PCDHGA4: variants seen among roughly 807,000 people sequenced by gnomAD.
The protein encoded by PCDHGA4 is protocadherin gamma-A4.
A neutral mutation model predicts 54.6 loss-of-function variants in PCDHGA4; 38 were observed. The observed-to-expected ratio is 0.70, with a 90% CI of 0.54 to 0.91. PCDHGA4 has a LOEUF of 0.91. Among genes scored for constraint, PCDHGA4 ranks in the 40% least tolerant of loss-of-function variants. The probability of loss-of-function intolerance (pLI) is 0.00; values close to 1 mark genes in which losing one functional copy is unlikely to be tolerated. For synonymous variants in PCDHGA4, 511 were observed against 512.9 expected, an observed-to-expected ratio of 1.00 and a Z score of 0.05; for missense variants, 1,298 against 1,220.9, an observed-to-expected ratio of 1.06 and a Z score of -0.94.
At chr5:141,365,469 G>T (rs1162637484) in intron 1 of PCDHGA4, 1 of 1,614,010 alleles carries the variant, frequency 6.2e-7, no homozygotes, top group South Asian at 1.1e-5. Flanking sequence ...GGAGAAAATG[G>T]TGAGATTGCA....
In PCDHGA4 at chr5:141,491,511, C is replaced by G. The variant is rs777448782; in HGVS notation, c.2515-3296C>G. 6.2e-7 allele frequency: 1 copy of G among 1,614,080 alleles called. No individual in the cohort carries two copies. The highest frequency in any genetic ancestry group is 8.5e-7 in the Non-Finnish European group (1 of 1,180,018). ...TGCAGGTGAGCTCGGACGGCACGCT[C>G]AAGTACATGGAGGTGACGCTGCGGC... On this transcript the variant is annotated intron_variant, in intron 1 of 3. Transcript: ENST00000571252. This position sits in a 1 kb window ranked among gnomAD's most constrained non-coding sequence, Gnocchi z 6.9.
rs765243043 is a variant in PCDHGA4 at position 141,390,219 on chromosome 5, T to C, written c.2514+32598T>C. On this transcript the variant is annotated intron_variant, in intron 1 of 3. Coordinates refer to ENST00000571252, the MANE Select transcript of PCDHGA4 (RefSeq NM_018917.4). ...GTTGAGTTCAGGACAAGACATACTT[T>C]GCGGTGATTCATCTGGGGCCTTATT... 3.1e-6 allele frequency: 5 copies of C among 1,614,066 alleles called. No individual in the cohort carries two copies. In the South Asian group the frequency reaches 5.5e-5, roughly 18 times the overall value.
At chr5:141,403,291 A>C in intron 1 of PCDHGA4, 1 of 1,613,918 alleles carries the variant, frequency 6.2e-7, no homozygotes, top group Non-Finnish European at 8.5e-7. Flanking sequence ...TTGAAGACAG[A>C]GTGAAACTGT....
chr5:141,409,844 C>G (rs1380163040), intron 1 of PCDHGA4: 3 of 1,611,858 alleles, frequency 1.9e-6, no homozygotes, highest in East Asian at 4.5e-5. Flanking sequence ...CAACGTGAGC[C>G]TGCGCGTGTT....
rs775674745 is a variant in PCDHGA4 at position 141,371,722 on chromosome 5, T to C, written c.2514+14101T>C. The C allele has an allele frequency of 3.1e-5, 50 of 1,613,944 alleles. No homozygotes were observed. In the South Asian group the frequency reaches 5.4e-4, roughly 17 times the overall value. On this transcript the variant is annotated intron_variant, in intron 1 of 3. Coordinates refer to ENST00000571252, the MANE Select transcript of PCDHGA4 (RefSeq NM_018917.4). ...AGCAAGACCATCACTCTGCACATCC[T>C]TGATGTCAACGACAACGTTCCCGTT...
At position 141,388,702 on chromosome 5, in the gene PCDHGA4, T is replaced by G. The variant is rs201901866; in HGVS notation, c.2514+31081T>G. 3.2e-3 allele frequency: 5,096 copies of G among 1,613,936 alleles called. 17 individuals are homozygous for G. The highest frequency in any genetic ancestry group is 8.9e-3 in the Middle Eastern group (54 of 6,062). On this transcript the variant is annotated intron_variant, in intron 1 of 3. Coordinates refer to ENST00000571252, the MANE Select transcript of PCDHGA4 (RefSeq NM_018917.4). ...ACTGCCACGGACCAGGATGAGGGTG[T>G]CAATGCCGAGATTACTTTCTCTTTC...
chr5:141,378,478 GT>G (rs1210036765), intron 1 of PCDHGA4: 3 of 152,162 alleles, frequency 2.0e-5, no homozygotes, highest in African/African-American at 7.2e-5. Flanking sequence ...AGCCAAGATC[GT>G]GCCACTGCAC....
chr5:141,401,836 A>G (rs1400731084), intron 1 of PCDHGA4, among the ~76,000 whole-genome samples: 3 of 152,204 alleles, frequency 2.0e-5, no homozygotes, highest in Admixed American at 1.3e-4. Flanking sequence ...GATTTCTTAT[A>G]ATACCACTTA....
At chr5:141,384,879 C>T (rs771003299) in intron 1 of PCDHGA4, 1 of 1,613,874 alleles carries the variant, frequency 6.2e-7, no homozygotes, top group Middle Eastern at 1.6e-4. Context: ...CCGTCACACT[C>T]ACCGTGGCTG....
In PCDHGA4 at chr5:141,375,141, G is replaced by A. The variant is rs745587842; in HGVS notation, c.2514+17520G>A. Reference sequence around the variant, plus strand: ...CCAGAAGTGGTTGTTACATCTGGAAGCAGAACAATTGCTGAAAGTGCACCT... The same window carrying A: ...CCAGAAGTGGTTGTTACATCTGGAAACAGAACAATTGCTGAAAGTGCACCT... On this transcript the variant is annotated intron_variant, in intron 1 of 3. Transcript: ENST00000571252. The A allele has an allele frequency of 1.9e-6, 3 of 1,613,962 alleles. No individual in the cohort carries two copies. Among genetic ancestry groups the A allele is most frequent in the Admixed American group, 1.7e-5 (1 of 60,032 alleles).
chr5:141,380,370 G>T (rs1427266285), intron 1 of PCDHGA4, among the ~76,000 whole-genome samples: 2 of 152,084 alleles, frequency 1.3e-5, no homozygotes, highest in Admixed American at 1.3e-4. Context: ...AGAAAAAAAA[G>T]TCCCAAAAAA....
intron 1 of PCDHGA4, chr5:141,427,884 G>T (rs1346875505): frequency 5.1e-6 from 8 of 1,564,634 alleles, no homozygotes; most frequent in African/African-American, 2.7e-5. Flanking sequence ...GCAGGCCCAC[G>T]ACCAGGGCTC....
chr5:141,460,224 T>C (rs986301555), intron 1 of PCDHGA4, among the ~76,000 whole-genome samples: 1 of 152,168 alleles, frequency 6.6e-6, no homozygotes, highest in African/African-American at 2.4e-5. Context: ...GTTGTGTCTT[T>C]TGAAGAGCAG....
At chr5:141,433,097 G>A (rs777101945) in intron 1 of PCDHGA4, 11 of 1,614,044 alleles carry the variant, frequency 6.8e-6, no homozygotes, top group Admixed American at 3.3e-5. Flanking sequence ...AGACATGCTC[G>A]TCAGCCAGGA....
rs779542409 is a variant in PCDHGA4, at chr5:141,392,788, T to G, written c.2514+35167T>G. The G allele has an allele frequency of 3.9e-6, 6 of 1,553,762 alleles. No individual in the cohort carries two copies. The East Asian group carries it at 1.1e-4, about 30-fold the overall frequency. On this transcript the variant is annotated intron_variant, in intron 1 of 3. Coordinates refer to ENST00000571252, the MANE Select transcript of PCDHGA4 (RefSeq NM_018917.4). ...ACCCATTTATGCACAGTGAAGATTC[T>G]GAGAGGATTCTGCAGCAAAACAACA...
At position 141,487,249 on chromosome 5, in the gene PCDHGA4, C is replaced by T. The variant is rs757148469; in HGVS notation, c.2515-7558C>T. ...AAGGAGAATCTCGTCTAACCCTCTACTTGGCTGTGTCCCTAGTGGCAATTT... is the reference window on the plus strand; with the variant it reads ...AAGGAGAATCTCGTCTAACCCTCTATTTGGCTGTGTCCCTAGTGGCAATTT... On this transcript the variant is annotated intron_variant, in intron 1 of 3. Coordinates refer to ENST00000571252, the MANE Select transcript of PCDHGA4 (RefSeq NM_018917.4). The surrounding 1 kb of genome is among the most constrained non-coding windows in gnomAD (Gnocchi z 5.0). 2.5e-6 allele frequency: 4 copies of T among 1,614,164 alleles called. No homozygotes were observed. In the South Asian group the frequency reaches 4.4e-5, roughly 18 times the overall value.
intron 2 of PCDHGA4, among the ~76,000 whole-genome samples, chr5:141,496,279 G>C (rs902362885): frequency 1.3e-5 from 2 of 152,198 alleles, no homozygotes; most frequent in Non-Finnish European, 2.9e-5. Context: ...ACCTTCAGTT[G>C]GTCTGAGCAG....
Position 141,431,374 on chromosome 5 carries a change from GGCT to G in PCDHGA4, c.2515-63429_2515-63427del, listed in dbSNP as rs752583215. The G allele has an allele frequency of 1.7e-4, 275 of 1,613,980 alleles. No individual in the cohort carries two copies. Among genetic ancestry groups the G allele is most frequent in the Non-Finnish European group, 2.0e-4 (238 of 1,180,036 alleles). On this transcript the variant is annotated intron_variant, in intron 1 of 3. Coordinates refer to ENST00000571252, the MANE Select transcript of PCDHGA4 (RefSeq NM_018917.4). This position sits in a 1 kb window ranked among gnomAD's most constrained non-coding sequence, Gnocchi z 4.8. Reference sequence around the variant, plus strand: ...AACGCGCCCTGGACCGCGAAGAAAAGGCTGCTCACCACCTGGTCCTTACGGCCT... The same window carrying G: ...AACGCGCCCTGGACCGCGAAGAAAAGGCTCACCACCTGGTCCTTACGGCCT...
At chr5:141,414,570 C>G (rs1253876890) in intron 1 of PCDHGA4, 13 of 1,613,862 alleles carry the variant, frequency 8.1e-6, no homozygotes, top group Non-Finnish European at 1.0e-5. Flanking sequence ...TTACCTATAT[C>G]CCAGAGAACA....
Sources: allele counts gnomAD v4.1 joint callset (sites outside exome capture counted in the v4.1 genomes callset), GRCh38; gene constraint gnomAD v4.1.1; non-coding constraint Gnocchi (gnomAD v3.1); transcripts MANE v1.5; gene names NCBI Gene and HGNC (gene_info 2026-07-23, HGNC 2026-07-21).